Variants in DLG2 observed in about 807,000 individuals in gnomAD.
DLG2 encodes discs large MAGUK scaffold protein 2, also known as disks large homolog 2.
In DLG2, 45 loss-of-function variants were observed where a neutral mutation model predicts 132.5. That is an observed-to-expected ratio of 0.34 (90% CI 0.27 to 0.44). The LOEUF is 0.44. Among genes scored for constraint, DLG2 ranks in the 20% least tolerant of loss-of-function variants. The pLI, the probability that DLG2 is intolerant of heterozygous loss-of-function variation, is 1.00. For synonymous variants in DLG2, 424 were observed against 419.6 expected (o/e 1.01, Z -0.13); for missense variants, 1,045 against 1,196.9 (o/e 0.87, Z 1.87).
chr11:83,775,953 G>A (rs1227659833), intron 18 of DLG2, among the ~76,000 whole-genome samples: 2 of 152,078 alleles, frequency 1.3e-5, no homozygotes, highest in Non-Finnish European at 2.9e-5. Flanking sequence ...TTAGCCAGGT[G>A]TGGTGGCAGG....
At chr11:84,584,639 T>C (rs1010240314) in intron 6 of DLG2, among the ~76,000 whole-genome samples, 2 of 150,878 alleles carry the variant, frequency 1.3e-5, no homozygotes, top group African/African-American at 4.9e-5. Context: ...GTGCTGGGAT[T>C]ATAAGCCTGA....
chr11:84,252,362 G>A (rs1446044149), intron 7 of DLG2, among the ~76,000 whole-genome samples: 1 of 151,174 alleles, frequency 6.6e-6, no homozygotes, highest in Non-Finnish European at 1.5e-5. Flanking sequence ...TATTGACCAG[G>A]CTGCTCTCAA....
chr11:83,563,131 C>T (rs570122680), intron 19 of DLG2, among the ~76,000 whole-genome samples: 66 of 151,936 alleles, frequency 4.3e-4, no homozygotes, highest in African/African-American at 1.5e-3. Context: ...CCTGCCACCA[C>T]GCCCAGCTAA....
intron 6 of DLG2, among the ~76,000 whole-genome samples, chr11:85,026,827 A>G (rs2060565700): frequency 6.6e-6 from 1 of 151,982 alleles, no homozygotes; most frequent in Non-Finnish European, 1.5e-5. Flanking sequence ...AGAGAGCAAG[A>G]CTCTGTCTCA....
chr11:85,591,097 AC>A (rs539135385), intron 3 of DLG2, among the ~76,000 whole-genome samples: 460 of 152,350 alleles, frequency 3.0e-3, no homozygotes, highest in Middle Eastern at 0.02. Context: ...CCAGAATGAT[AC>A]CCAACCCTCT....
intron 3 of DLG2, among the ~76,000 whole-genome samples, chr11:85,485,533 T>C (rs1030586898): frequency 6.6e-6 from 1 of 152,096 alleles, no homozygotes; most frequent in African/African-American, 2.4e-5. Context: ...GAGACTTAGA[T>C]TCAACAAAGA....
chr11:83,636,658 CT>C (rs1187055713), intron 18 of DLG2, among the ~76,000 whole-genome samples: 1 of 152,164 alleles, frequency 6.6e-6, no homozygotes, highest in East Asian at 1.9e-4. Context: ...ACAATCAACA[CT>C]TTGTTAGGCT....
intron 9 of DLG2, among the ~76,000 whole-genome samples, chr11:84,126,044 C>T (rs2094155321): frequency 6.6e-6 from 1 of 151,816 alleles, no homozygotes; most frequent in Admixed American, 6.6e-5. Flanking sequence ...TTTACTTTGC[C>T]ATCTCTGAAT....
chr11:84,203,623 G>T (rs928817622), intron 8 of DLG2, among the ~76,000 whole-genome samples: 4 of 147,404 alleles, frequency 2.7e-5, no homozygotes, highest in Non-Finnish European at 6.0e-5. Context: ...ATCCTTTGCA[G>T]CAGGGACATG....
At chr11:83,745,729 G>A (rs565482634) in intron 18 of DLG2, among the ~76,000 whole-genome samples, 6 of 152,150 alleles carry the variant, frequency 3.9e-5, no homozygotes, top group Non-Finnish European at 8.8e-5. Context: ...TTGAACCCAG[G>A]AGGCAGAGGT....
chr11:83,917,457 T>C (rs1047303657), intron 15 of DLG2, among the ~76,000 whole-genome samples: 22 of 152,258 alleles, frequency 1.4e-4, no homozygotes, highest in African/African-American at 4.1e-4. Flanking sequence ...ATGTTTAGTA[T>C]AGATGAAAAA....
chr11:83,745,657 C>T (rs956875977), intron 18 of DLG2, among the ~76,000 whole-genome samples: 2 of 151,936 alleles, frequency 1.3e-5, no homozygotes, highest in African/African-American at 2.4e-5. Flanking sequence ...TAAAAATTAG[C>T]CTGGCGTGGT....
At chr11:84,663,768 T>A (rs2099697189) in intron 6 of DLG2, among the ~76,000 whole-genome samples, 1 of 152,166 alleles carries the variant, frequency 6.6e-6, no homozygotes, top group Non-Finnish European at 1.5e-5. Context: ...GACCCTGAGG[T>A]TCTGTCATCC....
intron 3 of DLG2, among the ~76,000 whole-genome samples, chr11:85,372,931 C>A (rs539605901): frequency 6.6e-4 from 100 of 152,328 alleles, no homozygotes; most frequent in African/African-American, 2.3e-3. Flanking sequence ...AGTCTGTACC[C>A]ATTTCAAATG....
At chr11:84,502,044 T>C (rs557968515) in intron 7 of DLG2, among the ~76,000 whole-genome samples, 29 of 151,818 alleles carry the variant, frequency 1.9e-4, no homozygotes, top group African/African-American at 7.0e-4. Flanking sequence ...TTCTTTGCCT[T>C]TCTTTTCTTT....
chr11:84,658,379 T>C (rs1358266812), intron 6 of DLG2, among the ~76,000 whole-genome samples: 2 of 152,158 alleles, frequency 1.3e-5, no homozygotes, highest in Non-Finnish European at 2.9e-5. Flanking sequence ...CCTAGTGTGA[T>C]GGCGTTAGAA....
At chr11:84,782,904 C>G (rs138184688) in intron 6 of DLG2, among the ~76,000 whole-genome samples, 1 of 152,140 alleles carries the variant, frequency 6.6e-6, no homozygotes, top group Admixed American at 6.5e-5. Flanking sequence ...GCGTACCTTT[C>G]TGGCAGTCCT....
At chr11:84,883,623 AG>A (rs1235124342) in intron 6 of DLG2, among the ~76,000 whole-genome samples, 1 of 152,120 alleles carries the variant, frequency 6.6e-6, no homozygotes, top group African/African-American at 2.4e-5. Flanking sequence ...TGTGGGTAGA[AG>A]AAAAATTCTA....
chr11:85,102,115 T>C (rs1168224086), intron 6 of DLG2, among the ~76,000 whole-genome samples: 1 of 151,956 alleles, frequency 6.6e-6, no homozygotes, highest in Non-Finnish European at 1.5e-5. Flanking sequence ...AAAAAAAGCC[T>C]CTTCTAAATT....
Sources: allele counts gnomAD v4.1 joint callset (sites outside exome capture counted in the v4.1 genomes callset), GRCh38; gene constraint gnomAD v4.1.1; transcripts MANE v1.5; gene names NCBI Gene and HGNC (gene_info 2026-07-23, HGNC 2026-07-21).